The following MDGA2 variants were observed in gnomAD, a reference collection of about 807,000 sequenced individuals.
MDGA2 encodes the protein MAM domain-containing glycosylphosphatidylinositol anchor protein 2.
In MDGA2, 40 loss-of-function variants were observed where a neutral mutation model predicts 117.8. The ratio of observed to expected loss-of-function variants is 0.34; its 90% CI spans 0.26 to 0.44. The LOEUF (loss-of-function observed/expected upper bound fraction) is 0.44, where lower values mean the gene tolerates loss of function less well. MDGA2 is among the 20% of genes least tolerant of loss of function. MDGA2 has a pLI of 1.00. For synonymous variants in MDGA2, 452 were observed against 439.0 expected (o/e 1.03, Z -0.37); for missense variants, 1,123 against 1,250.6 (o/e 0.90, Z 1.54).
At position 47,120,712 on chromosome 14, in the gene MDGA2, G is replaced by A. The variant is rs115851532; in HGVS notation, c.925+11002C>T. ...TGCTGCATCCAGATGTACAGTTAAA[G>A]GTTGATGCTAATATATCTCTGATAC... On this transcript the variant is annotated intron_variant, in intron 5 of 16. Coordinates refer to ENST00000399232, the MANE Select transcript of MDGA2 (RefSeq NM_001113498.3). Among the ~76,000 whole-genome samples the A allele has an allele frequency of 5.5e-3, 842 of 152,224 alleles. 7 individuals are homozygous for A. Among genetic ancestry groups the A allele is most frequent in the African/African-American group, 0.017 (698 of 41,530 alleles).
intron 1 of MDGA2, among the ~76,000 whole-genome samples, chr14:47,445,424 G>A (rs967454845): frequency 6.6e-6 from 1 of 152,090 alleles, no homozygotes; most frequent in Non-Finnish European, 1.5e-5. Context: ...GAAAGTAAAT[G>A]TTTTCCCTCA....
intron 9 of MDGA2, among the ~76,000 whole-genome samples, chr14:46,951,733 G>C (rs1388150563): frequency 6.6e-6 from 1 of 151,906 alleles, no homozygotes. Flanking sequence ...TGAGCGTCTA[G>C]ATAAGAACAC....
intron 2 of MDGA2, among the ~76,000 whole-genome samples, chr14:47,300,745 T>C (rs1240373009): frequency 6.6e-6 from 1 of 152,004 alleles, no homozygotes; most frequent in Non-Finnish European, 1.5e-5. Flanking sequence ...ATGATCCCCT[T>C]GCCTCAGCCT....
At chr14:47,467,140 T>C (rs1475973413) in intron 1 of MDGA2, among the ~76,000 whole-genome samples, 1 of 152,042 alleles carries the variant, frequency 6.6e-6, no homozygotes, top group African/African-American at 2.4e-5. Context: ...CAAAGATTTA[T>C]GACAAATGCT....
intron 1 of MDGA2, among the ~76,000 whole-genome samples, chr14:47,460,541 T>C (rs867142506): frequency 2.5e-4 from 38 of 152,236 alleles, no homozygotes; most frequent in African/African-American, 8.7e-4. Context: ...GAAAAAGATA[T>C]ATAAATTTTT....
intron 5 of MDGA2, among the ~76,000 whole-genome samples, chr14:47,101,134 T>C (rs2416023): frequency 7.4e-5 from 10 of 134,822 alleles, no homozygotes; most frequent in Non-Finnish European, 1.7e-4. Flanking sequence ...GACAGATAGA[T>C]AGAAAGAAAT....
At chr14:47,661,814 C>T (rs1352252704) in intron 1 of MDGA2, among the ~76,000 whole-genome samples, 1 of 130,170 alleles carries the variant, frequency 7.7e-6, no homozygotes. Context: ...TGCAGTGGTG[C>T]AACCTCTGCC....
intron 5 of MDGA2, among the ~76,000 whole-genome samples, chr14:47,124,542 G>A (rs1881804155): frequency 6.6e-6 from 1 of 152,058 alleles, no homozygotes. Context: ...TTAAGGAAAA[G>A]CAATCCTAAA....
intron 1 of MDGA2, among the ~76,000 whole-genome samples, chr14:47,627,725 C>A (rs140799019): frequency 5.3e-5 from 8 of 152,164 alleles, no homozygotes; most frequent in South Asian, 2.1e-4. Context: ...AGTGGCAACC[C>A]GCTGGGGTCC....
rs548041567 is a variant in MDGA2 at position 47,115,225 on chromosome 14, TATA to T, written c.925+16486_925+16488del. Among the ~76,000 whole-genome samples, 104 of 152,214 alleles carry T rather than the reference TATA, an allele frequency of 6.8e-4. 2 individuals carry two copies. The highest frequency in any genetic ancestry group is 2.4e-3 in the African/African-American group (99 of 41,576). On this transcript the variant is annotated intron_variant, in intron 5 of 16. Coordinates refer to ENST00000399232, the MANE Select transcript of MDGA2 (RefSeq NM_001113498.3). ...GTAATTTTATAAAATACAATAAGAATATAATATCTTGATTGCTTGAGTTGGGTC... is the reference window on the plus strand; with the variant it reads ...GTAATTTTATAAAATACAATAAGAATATATCTTGATTGCTTGAGTTGGGTC...
intron 11 of MDGA2, among the ~76,000 whole-genome samples, chr14:46,879,306 C>A (rs1437578694): frequency 6.6e-6 from 1 of 152,018 alleles, no homozygotes; most frequent in Non-Finnish European, 1.5e-5. Context: ...TATGCCAGTG[C>A]TTTGATCTTG....
intron 3 of MDGA2, among the ~76,000 whole-genome samples, chr14:47,216,491 A>G (rs768823513): frequency 6.6e-6 from 1 of 151,996 alleles, no homozygotes; most frequent in Non-Finnish European, 1.5e-5. Flanking sequence ...GCTTTTTTCT[A>G]TTTTTCTATT....
intron 7 of MDGA2, among the ~76,000 whole-genome samples, chr14:47,047,878 C>T (rs992340162): frequency 2.0e-5 from 3 of 151,820 alleles, no homozygotes; most frequent in African/African-American, 7.3e-5. Context: ...CCAGGAGACA[C>T]ATATGCATTT....
chr14:47,564,452 A>C (rs1170605878), intron 1 of MDGA2, among the ~76,000 whole-genome samples: 3 of 152,214 alleles, frequency 2.0e-5, no homozygotes, highest in African/African-American at 7.2e-5. Flanking sequence ...CACAGATGGC[A>C]GCAGGCAAAG....
chr14:47,384,017 T>TAGATAGATAAA (rs1891700101), intron 1 of MDGA2, among the ~76,000 whole-genome samples: 1 of 105,682 alleles, frequency 9.5e-6, no homozygotes, highest in Non-Finnish European at 2.1e-5. Context: ...AGATAGATAA[T>TAGATAGATAAA]AGATAGATTA....
At chr14:47,204,276 C>A (rs1348401900) in intron 3 of MDGA2, among the ~76,000 whole-genome samples, 1 of 151,794 alleles carries the variant, frequency 6.6e-6, no homozygotes, top group Non-Finnish European at 1.5e-5. Flanking sequence ...ATGGACTTAC[C>A]ATGGAGAGAA....
At chr14:47,360,465 C>T in intron 1 of MDGA2, among the ~76,000 whole-genome samples, 1 of 151,738 alleles carries the variant, frequency 6.6e-6, no homozygotes, top group East Asian at 1.9e-4. Context: ...TAAAAATGGG[C>T]AACGGGTATA....
intron 1 of MDGA2, among the ~76,000 whole-genome samples, chr14:47,320,582 T>C (rs1889950862): frequency 1.3e-5 from 2 of 152,114 alleles, no homozygotes; most frequent in South Asian, 4.1e-4. Flanking sequence ...TTTTCTCTCC[T>C]CTTTTCCTCC....
intron 8 of MDGA2, among the ~76,000 whole-genome samples, chr14:47,017,593 G>C (rs986968036): frequency 4.0e-5 from 6 of 150,668 alleles, no homozygotes; most frequent in Admixed American, 3.3e-4. Flanking sequence ...ACATTCAGGG[G>C]GAAAAAATAC....
Sources: gnomAD v4.1 joint callset for allele counts (sites outside exome capture counted in the v4.1 genomes callset) on GRCh38, gnomAD v4.1.1 for gene constraint, MANE v1.5 for transcripts, NCBI Gene and HGNC (gene_info 2026-07-23, HGNC 2026-07-21) for gene names.